Variants in TAF15 observed in about 807,000 individuals in gnomAD.
The protein encoded by TAF15 is TATA-box binding protein associated factor 15, also known as TATA-binding protein-associated factor 2N.
Under a neutral mutation model 102.5 loss-of-function variants are expected in TAF15, and 37 were observed. The observed-to-expected ratio is 0.36, with a 90% CI of 0.28 to 0.47. TAF15 has a LOEUF of 0.47. Ranked by LOEUF, TAF15 falls within the 20% of genes least tolerant of loss-of-function variation. TAF15 has a pLI of 0.99. For synonymous variants in TAF15, 273 were observed against 259.2 expected, an observed-to-expected ratio of 1.05 and a Z score of -0.51; for missense variants, 652 against 760.7, an observed-to-expected ratio of 0.86 and a Z score of 1.68.
At chr17:35,839,705 TAGA>T (rs1306060528) in intron 11 of TAF15, among the ~76,000 whole-genome samples, 1 of 151,998 alleles carries the variant, frequency 6.6e-6, no homozygotes, top group Admixed American at 6.5e-5. Flanking sequence ...TAACAGAAAG[TAGA>T]AGAAATGAGT....
intron 7 of TAF15, chr17:35,830,393 A>G (rs1165308348): frequency 3.9e-5 from 6 of 152,238 alleles, no homozygotes; most frequent in African/African-American, 1.2e-4. Flanking sequence ...TACTTCAGGA[A>G]TTCTTTATGT....
In TAF15 at chr17:35,812,159, T is replaced by A. The variant is rs116735538; in HGVS notation, c.7+2583T>A. ...TATGGAGTTAAAGGACTGTACATTA[T>A]GTGAAGGAATGAACTGGAAAAAACC... On this transcript the variant is annotated intron_variant, in intron 1 of 15. Transcript: ENST00000605844. Among the ~76,000 whole-genome samples, 1,032 of 152,290 alleles carry A rather than the reference T, an allele frequency of 6.8e-3. 9 individuals are homozygous for A. The highest frequency in any genetic ancestry group is 0.024 in the African/African-American group (978 of 41,556).
chr17:35,818,860 G>C (rs1193239809), intron 2 of TAF15: 1 of 151,522 alleles, frequency 6.6e-6, no homozygotes, highest in Non-Finnish European at 1.5e-5. Context: ...AGTTGTTTTA[G>C]AAAAAGCGTT....
chr17:35,820,131 G>A, intron 3 of TAF15, 33 bp from the exon 4 acceptor site: 7 of 1,613,462 alleles, frequency 4.3e-6, no homozygotes, highest in South Asian at 1.1e-5. Flanking sequence ...TCTTAAGTAG[G>A]TGATGAAACT....
chr17:35,844,732 G>A lies in TAF15; in HGVS notation c.1433G>A (p.Gly478Asp), dbSNP rs1347592023. 1.9e-6 allele frequency: 3 copies of A among 1,609,870 alleles called. No individual in the cohort carries two copies. The highest frequency in any genetic ancestry group is 1.1e-5 in the South Asian group (1 of 90,776). ...GGGYGGDRGGGYGGDRGGYGG... is the reference protein window; with the variant it reads ...GGGYGGDRGGDYGGDRGGYGG... ...GGCTATGGAGGAGACCGAGGAGGTG[G>A]CTATGGAGGAGATCGAGGTGGCTAT... Residue 478 changes from glycine to aspartate, a missense_variant, in exon 15 of 16, where the codon GGC becomes GAC. Gly to Asp is a moderately conservative substitution (Grantham distance 94). Coordinates refer to ENST00000605844, the MANE Select transcript of TAF15 (RefSeq NM_139215.3).
In TAF15 at chr17:35,824,308, T is replaced by G. The variant is rs2087299941; in HGVS notation, c.605+110T>G. The G allele has an allele frequency of 7.9e-6, 11 of 1,394,316 alleles. No homozygotes were observed. In the South Asian group the frequency reaches 1.4e-4, roughly 18 times the overall value. The allele number at this position is 1,394,316 out of a possible 1,614,324, so 86.4% of individuals were successfully genotyped here. A position where few individuals can be genotyped will look rare whatever the true frequency, so the allele number is the denominator to read the frequency against. ...AGCATCTAATTTAGTTAAGAGACTTTAAAAAGGGATTATATATTGGAGAAA... is the reference window on the plus strand; with the variant it reads ...AGCATCTAATTTAGTTAAGAGACTTGAAAAAGGGATTATATATTGGAGAAA... On this transcript the variant is annotated intron_variant, in intron 7 of 15. Transcript: ENST00000605844.
Position 35,809,484 on chromosome 17 carries a change from A to G in TAF15, c.-86A>G, listed in dbSNP as rs1469988615. ...CGCCTCAGCCCGCCGCGCCGCCCTCAGTACAGCTCCGGCCGCCGCGCCGCC... is the reference window on the plus strand; with the variant it reads ...CGCCTCAGCCCGCCGCGCCGCCCTCGGTACAGCTCCGGCCGCCGCGCCGCC... On this transcript the variant is annotated 5_prime_UTR_variant, in exon 1 of 16. Transcript: ENST00000605844. 1.9e-6 allele frequency: 3 copies of G among 1,589,006 alleles called. No homozygotes were observed. Among genetic ancestry groups the G allele is most frequent in the Admixed American group, 1.7e-5 (1 of 59,320 alleles).
intron 10 of TAF15, 103 bp downstream of exon 10, chr17:35,836,344 A>C (rs916971531): frequency 3.6e-6 from 3 of 837,172 alleles, no homozygotes; most frequent in Non-Finnish European, 5.8e-6. Flanking sequence ...CTTGTCTCTT[A>C]AAATTTTGTG....
chr17:35,841,631 T>C (rs2087546961), intron 11 of TAF15, among the ~76,000 whole-genome samples: 1 of 151,912 alleles, frequency 6.6e-6, no homozygotes, highest in African/African-American at 2.4e-5. Flanking sequence ...CCCAAACTCC[T>C]GAGCCCCAAG....
intron 7 of TAF15, among the ~76,000 whole-genome samples, chr17:35,831,646 AAG>A (rs1158694918): frequency 6.6e-5 from 10 of 152,260 alleles, no homozygotes; most frequent in Middle Eastern, 3.4e-3. Flanking sequence ...GCAACAAAGT[AAG>A]AGGCATTTCT....
intron 15 of TAF15, among the ~76,000 whole-genome samples, chr17:35,845,565 T>C (rs1004008578): frequency 6.6e-6 from 1 of 152,132 alleles, no homozygotes; most frequent in East Asian, 1.9e-4. Context: ...GGAAATTCTT[T>C]GCAGTGGCGC....
intron 11 of TAF15, among the ~76,000 whole-genome samples, chr17:35,841,899 C>A (rs2087552313): frequency 6.6e-6 from 1 of 152,068 alleles, no homozygotes; most frequent in South Asian, 2.1e-4. Context: ...GGTCTCATTA[C>A]GTTCCTCAGG....
At chr17:35,826,179 C>A (rs894908047) in intron 7 of TAF15, among the ~76,000 whole-genome samples, 1 of 152,056 alleles carries the variant, frequency 6.6e-6, no homozygotes, top group African/African-American at 2.4e-5. Context: ...CTTTAATACC[C>A]CTTAATACAA....
intron 7 of TAF15, 95 bp from the exon 8 acceptor site, chr17:35,833,812 C>T: frequency 7.9e-7 from 1 of 1,265,322 alleles, no homozygotes; most frequent in Non-Finnish European, 1.2e-6. Context: ...TTTTCCTAAG[C>T]ACTCTACTTG....
chr17:35,838,591 A>G (rs1350440497), intron 11 of TAF15, 38 bp downstream of exon 11: 1 of 1,609,990 alleles, frequency 6.2e-7, no homozygotes, highest in Middle Eastern at 1.7e-4. Context: ...ATGAAGTTGG[A>G]TAAATGTTTT....
intron 9 of TAF15, among the ~76,000 whole-genome samples, chr17:35,835,142 C>G (rs533595805): frequency 6.6e-6 from 1 of 152,252 alleles, no homozygotes; most frequent in Admixed American, 6.5e-5. Context: ...CATATTCTTT[C>G]TTCCGTGAAG....
In TAF15 at chr17:35,824,106, A is replaced by G. The variant is rs1052681019; in HGVS notation, c.513A>G (p.Gly171=). The change falls in exon 7 of 16, where the codon GGA becomes GGG. Residue 171 remains glycine, a synonymous_variant. Coordinates refer to ENST00000605844, the MANE Select transcript of TAF15 (RefSeq NM_139215.3). ...QDDRRDVSRY[G]EDNRGYGGSQ... is the part of the protein sequence containing the mutation. ...ACCGTCGTGATGTGAGTAGGTATGG[A>G]GAAGATAATAGAGGATATGGCGGGT... 1 of 1,614,018 alleles carries G rather than the reference A, an allele frequency of 6.2e-7. No homozygotes were observed. Among genetic ancestry groups the G allele is most frequent in the Non-Finnish European group, 8.5e-7 (1 of 1,180,036 alleles).
chr17:35,809,835 G>C (rs1192623987), intron 1 of TAF15: 1 of 597,770 alleles, frequency 1.7e-6, no homozygotes, highest in Non-Finnish European at 3.0e-6. Flanking sequence ...GAGACTTGCC[G>C]TTCCCGGGGG....
chr17:35,847,139 C>T lies in TAF15; in HGVS notation c.*194C>T. ...GAGATTTCCCCCTTTAGTTTCCAAC[C>T]TTCTCCCCAACCCTTGGAGCTAAAT... is the stretch of plus-strand genomic sequence containing the variant. On this transcript the variant is annotated 3_prime_UTR_variant, in exon 16 of 16. Transcript: ENST00000605844. 1 of 655,380 alleles carries T rather than the reference C, an allele frequency of 1.5e-6. No homozygotes were observed. The highest frequency in any genetic ancestry group is 2.7e-6 in the Non-Finnish European group (1 of 373,686). 40.6% of individuals were successfully genotyped at this position (655,380 alleles called of 1,614,324 possible).
Sources: allele counts gnomAD v4.1 joint callset (sites outside exome capture counted in the v4.1 genomes callset), GRCh38; gene constraint gnomAD v4.1.1; transcripts MANE v1.5; gene names NCBI Gene and HGNC (gene_info 2026-07-23, HGNC 2026-07-21).